Variants in MSR1 observed in about 807,000 individuals in gnomAD.
MSR1 encodes the protein macrophage scavenger receptor 1, also known as macrophage scavenger receptor types I and II.
In MSR1, 53 loss-of-function variants were observed where a neutral mutation model predicts 47.2. That is an observed-to-expected ratio of 1.12 (90% CI 0.90 to 1.41). MSR1 has a LOEUF of 1.41. Ranked by LOEUF, MSR1 falls within the 40% of genes most tolerant of loss-of-function variation. MSR1 has a pLI of 0.00. For missense variants in MSR1, 786 were observed against 546.9 expected (o/e 1.44, Z -4.36); for synonymous variants, 239 against 185.6 (o/e 1.29, Z -2.34).
At chr8:16,145,703 A>C (rs1800677570) in intron 7 of MSR1, among the ~76,000 whole-genome samples, 1 of 152,128 alleles carries the variant, frequency 6.6e-6, no homozygotes, top group Non-Finnish European at 1.5e-5. Flanking sequence ...AAAATGCCTT[A>C]TCTCCTTATA....
chr8:16,191,042 T>C (rs10103856), intron 1 of MSR1, among the ~76,000 whole-genome samples: 26,345 of 152,076 alleles, frequency 0.17, 3,486 homozygotes, highest in African/African-American at 0.36. Context: ...TAAGGCCAAC[T>C]TTATCTTCAA....
rs778551940 is a variant in MSR1 at position 16,168,660 on chromosome 8, T to C, written c.428A>G (p.Asn143Ser). 5.0e-6 allele frequency: 8 copies of C among 1,614,140 alleles called. No individual in the cohort carries two copies. Among genetic ancestry groups the C allele is most frequent in the Non-Finnish European group, 6.8e-6 (8 of 1,179,992 alleles). The change falls in exon 4 of 10, where the codon AAT (asparagine) becomes AGT (serine). Residue 143 changes from asparagine (N) to serine (S), a missense_variant. Physicochemically the swap from Asn to Ser is conservative, Grantham distance 46 (BLOSUM62 1). Transcript: ENST00000262101. ...TCTTTGATCAGTTGTCATGCTGAAA[T>C]TTTGGAAATGCTCTGTGTCCATGAG... Reference protein sequence around the residue: ...ANLMDTEHFQNFSMTTDQRFN... With the variant: ...ANLMDTEHFQSFSMTTDQRFN...
At chr8:16,180,290 C>G (rs1801790685) in intron 1 of MSR1, among the ~76,000 whole-genome samples, 1 of 152,076 alleles carries the variant, frequency 6.6e-6, no homozygotes, top group Non-Finnish European at 1.5e-5. Context: ...TACTAAGCAG[C>G]TTTTAAAAAT....
chr8:16,139,324 T>C, intron 8 of MSR1: 1 of 977,212 alleles, frequency 1.0e-6, no homozygotes, highest in Non-Finnish European at 1.2e-6. Context: ...ACCTTACATC[T>C]TTAAAGGACT....
chr8:16,159,724 A>T (rs1289622654), intron 5 of MSR1, among the ~76,000 whole-genome samples: 1 of 151,984 alleles, frequency 6.6e-6, no homozygotes, highest in East Asian at 1.9e-4. Flanking sequence ...AGAATATGAG[A>T]TACTTTTATA....
chr8:16,135,539 A>C (rs574342434), intron 8 of MSR1, among the ~76,000 whole-genome samples: 2 of 152,296 alleles, frequency 1.3e-5, no homozygotes, highest in African/African-American at 4.8e-5. Context: ...GATGGACAGA[A>C]AGACTGGTGT....
intron 9 of MSR1, among the ~76,000 whole-genome samples, chr8:16,120,149 G>A (rs1799964028): frequency 6.6e-6 from 1 of 151,736 alleles, no homozygotes; most frequent in African/African-American, 2.4e-5. Flanking sequence ...TTGGCGAGGC[G>A]GGCAGATCAC....
At chr8:16,138,333 C>T (rs1031308968) in intron 8 of MSR1, among the ~76,000 whole-genome samples, 3 of 152,108 alleles carry the variant, frequency 2.0e-5, no homozygotes, top group Non-Finnish European at 2.9e-5. Flanking sequence ...CACTCTTCCG[C>T]GTTAAGGTGA....
intron 6 of MSR1, 57 bp downstream of exon 6, chr8:16,155,007 C>T: frequency 7.1e-7 from 1 of 1,410,828 alleles, no homozygotes; most frequent in Non-Finnish European, 1.0e-6. Context: ...ACACATGTAC[C>T]TGGATGTATA....
Position 16,164,121 on chromosome 8 carries a change from A to G in MSR1, c.761T>C (p.Leu254Pro). 1 of 1,611,860 alleles carries G rather than the reference A, an allele frequency of 6.2e-7. No individual in the cohort carries two copies. The highest frequency in any genetic ancestry group is 8.5e-7 in the Non-Finnish European group (1 of 1,178,546). ...VKVLNNITND[L>P]RLKDWEHSQT... Reference sequence around the variant, plus strand: ...AGAATGTTCCCAATCTTTCAGTCTGAGATCATTAGTGATGTTATTCAGTAC... The same window carrying G: ...AGAATGTTCCCAATCTTTCAGTCTGGGATCATTAGTGATGTTATTCAGTAC... The change falls in exon 5 of 10, where the codon CTC (leucine) becomes CCC (proline). Residue 254 changes from leucine to proline, a missense_variant. Physicochemically the swap from Leu to Pro is moderately conservative, Grantham distance 98. Transcript: ENST00000262101.
Position 16,147,408 on chromosome 8 carries a change from G to A in MSR1, c.979+2823C>T, listed in dbSNP as rs80171666. 9.2e-5 allele frequency among the ~76,000 whole-genome samples: 14 copies of A among 152,188 alleles called. No homozygotes were observed. In the East Asian group the frequency reaches 2.5e-3, roughly 27 times the overall value. ...GAGAAGAAAAGGAGTGTGGGAGGGA[G>A]AATAGAAGAAAATAGATGGAGGATG... On this transcript the variant is annotated intron_variant, in intron 7 of 9. Coordinates refer to ENST00000262101, the MANE Select transcript of MSR1 (RefSeq NM_138715.3).
intron 8 of MSR1, among the ~76,000 whole-genome samples, chr8:16,126,452 C>T (rs1456793155): frequency 1.3e-5 from 2 of 151,898 alleles, no homozygotes; most frequent in African/African-American, 4.8e-5. Flanking sequence ...GAGATGCAAA[C>T]ATAATACAGA....
chr8:16,111,492 T>C (rs371986474), intron 9 of MSR1, among the ~76,000 whole-genome samples: 22 of 152,130 alleles, frequency 1.4e-4, no homozygotes, highest in African/African-American at 5.3e-4. Flanking sequence ...GCAGAATTTG[T>C]ACAATCCAGG....
chr8:16,161,157 G>C lies in MSR1; in HGVS notation c.817+2908C>G, dbSNP rs187224385. The stretch of plus-strand genomic sequence containing the variant: ...GCTTGAATTAGAGTAGTAGTAGAGA[G>C]TAAGAAGAAGTTTGGTTTGAGATAT... On this transcript the variant is annotated intron_variant, in intron 5 of 9. Transcript: ENST00000262101. Among the ~76,000 whole-genome samples the C allele has an allele frequency of 2.4e-4, 37 of 151,480 alleles. No individual in the cohort carries two copies. In the East Asian group the frequency reaches 6.8e-3, roughly 28 times the overall value.
intron 8 of MSR1, among the ~76,000 whole-genome samples, chr8:16,136,898 T>A (rs1800404329): frequency 6.6e-6 from 1 of 152,006 alleles, no homozygotes; most frequent in Non-Finnish European, 1.5e-5. Flanking sequence ...ACCGCTAATT[T>A]GTGAACCCAC....
Position 16,109,147 on chromosome 8 carries a change from C to T in MSR1, c.*938G>A, listed in dbSNP as rs958168197. 6.7e-6 allele frequency: 1 copy of T among 150,136 alleles called. No homozygotes were observed. The highest frequency in any genetic ancestry group is 2.0e-4 in the East Asian group (1 of 5,042). The allele number at this position is 150,136 out of a possible 1,614,324, so 9.3% of individuals were successfully genotyped here. ...TTTGGGGCATGCTCAGAGTTATTGT[C>T]CCTTTAGGACTAAAGACGCACCCCC... On this transcript the variant is annotated 3_prime_UTR_variant, in exon 10 of 10. Transcript: ENST00000262101.
chr8:16,120,680 C>G (rs1993978), intron 8 of MSR1, 74 bp from the exon 9 acceptor site: 1,229,100 of 1,471,424 alleles, frequency 0.84, 523,080 homozygotes, highest in Non-Finnish European at 0.87. Flanking sequence ...TGCTTTACAG[C>G]ACTTTTTTTT....
rs1413156410 is a variant in MSR1, at chr8:16,155,138, G to A, written c.824C>T (p.Pro275Leu). ...LRNITLIQGP[P>L]GPPGEKGDRG... ...ATCTCCTTTTTCACCCGGGGGTCCA[G>A]GAGGACCTTTAAAAAAATTACAGTT... is the stretch of plus-strand genomic sequence containing the variant. Residue 275 changes from proline to leucine, a missense_variant, in exon 6 of 10, where the codon CCT (proline) becomes CTT (leucine). Pro to Leu is a moderately conservative substitution (Grantham distance 98). Transcript: ENST00000262101. 1 of 1,611,180 alleles carries A rather than the reference G, an allele frequency of 6.2e-7. No individual in the cohort carries two copies. The highest frequency in any genetic ancestry group is 8.5e-7 in the Non-Finnish European group (1 of 1,178,076).
At position 16,175,137 on chromosome 8, in the gene MSR1, A is replaced by C. The variant is rs551701487; in HGVS notation, c.217+50T>G. The C allele has an allele frequency of 1.2e-5, 18 of 1,472,320 alleles. 1 individual carries two copies. In the South Asian group the frequency reaches 1.8e-4, roughly 15 times the overall value. The allele number at this position is 1,472,320 out of a possible 1,614,324, so 91.2% of individuals were successfully genotyped here. On this transcript the variant is annotated intron_variant, in intron 3 of 9. Transcript: ENST00000262101. ...ATGCTTCTTTTTTGCTTTGGCAATG[A>C]ATAATTCACGGGACGAGTTACTAAA...
Sources: allele counts gnomAD v4.1 joint callset (sites outside exome capture counted in the v4.1 genomes callset), GRCh38; gene constraint gnomAD v4.1.1; transcripts MANE v1.5; gene names NCBI Gene and HGNC (gene_info 2026-07-23, HGNC 2026-07-21).